CAMTA1: variants seen among roughly 807,000 people sequenced by gnomAD.
The protein encoded by CAMTA1 is calmodulin-binding transcription activator 1.
Under a neutral mutation model 170.9 loss-of-function variants are expected in CAMTA1, and 27 were observed. The ratio of observed to expected loss-of-function variants is 0.16; its 90% confidence interval spans 0.12 to 0.22. CAMTA1 has a LOEUF of 0.22. Ranked by LOEUF, CAMTA1 falls within the 10% of genes least tolerant of loss-of-function variation. CAMTA1 has a pLI of 1.00. For synonymous variants in CAMTA1, 833 were observed against 891.5 expected (o/e 0.93, Z 1.17); for missense variants, 1,619 against 2,217.2 (o/e 0.73, Z 5.42).
chr1:7,632,307 C>T (rs2095675800), intron 6 of CAMTA1, among the ~76,000 whole-genome samples: 2 of 152,232 alleles, frequency 1.3e-5, no homozygotes, highest in African/African-American at 4.8e-5. Context: ...GCCCGCCCCC[C>T]GCGCCCCCAG....
Position 7,768,820 on chromosome 1 carries a change from A to G in CAMTA1, c.*2329A>G, listed in dbSNP as rs2097039084. The stretch of plus-strand genomic sequence containing the variant: ...TATTTTACACAATTTGACCTATAGG[A>G]GGACACTGAGTAATTTACAAACACA... On this transcript the variant is annotated 3_prime_UTR_variant, in exon 23 of 23. Transcript: ENST00000303635. 2 of 152,544 alleles carry G rather than the reference A, an allele frequency of 1.3e-5. No individual in the cohort carries two copies. Among genetic ancestry groups the G allele is most frequent in the South Asian group, 4.1e-4 (2 of 4,824 alleles). 9.4% of individuals were successfully genotyped at this position (152,544 alleles called of 1,614,324 possible).
Position 7,514,754 on chromosome 1 carries a change from G to A in CAMTA1, c.510+46853G>A, listed in dbSNP as rs114471427. Among the ~76,000 whole-genome samples the A allele has an allele frequency of 9.2e-3, 1,398 of 152,270 alleles. 21 individuals are homozygous for A. Among genetic ancestry groups the A allele is most frequent in the African/African-American group, 0.032 (1,341 of 41,544 alleles). On this transcript the variant is annotated intron_variant, in intron 6 of 22. Transcript: ENST00000303635. Reference sequence around the variant, plus strand: ...GAATCCTCTTCCCACTGGGCAGCCTGGTCCTGGTGCAGACATCCACCTGGA... The same window carrying A: ...GAATCCTCTTCCCACTGGGCAGCCTAGTCCTGGTGCAGACATCCACCTGGA...
chr1:7,573,080 C>T (rs1460762203), intron 6 of CAMTA1, among the ~76,000 whole-genome samples: 2 of 152,196 alleles, frequency 1.3e-5, no homozygotes, highest in African/African-American at 4.8e-5. Context: ...AGGGTTTACT[C>T]CTGGACAAGA....
chr1:7,150,719 G>C (rs527673726), intron 4 of CAMTA1, among the ~76,000 whole-genome samples: 1 of 152,186 alleles, frequency 6.6e-6, no homozygotes, highest in Admixed American at 6.5e-5. Context: ...ATTGGGATGT[G>C]CAGAAGGACG....
intron 1 of CAMTA1, among the ~76,000 whole-genome samples, chr1:6,802,740 CT>C (rs575213311): frequency 2.0e-3 from 289 of 145,018 alleles, no homozygotes; most frequent in Non-Finnish European, 1.9e-3. Flanking sequence ...CTCTCTCTCT[CT>C]TTTTTTTTTT....
chr1:7,133,663 T>G (rs899811854), intron 4 of CAMTA1, among the ~76,000 whole-genome samples: 1 of 152,172 alleles, frequency 6.6e-6, no homozygotes, highest in Non-Finnish European at 1.5e-5. Context: ...CCTCCCATCA[T>G]AGGTAGCAGC....
chr1:7,279,402 T>C (rs1487632773), intron 5 of CAMTA1, among the ~76,000 whole-genome samples: 1 of 152,182 alleles, frequency 6.6e-6, no homozygotes, highest in South Asian at 2.1e-4. Flanking sequence ...GCTAACATTC[T>C]GGGCCTCAGG....
chr1:6,843,266 A>G (rs1656630648), intron 3 of CAMTA1, among the ~76,000 whole-genome samples: 1 of 152,080 alleles, frequency 6.6e-6, no homozygotes, highest in South Asian at 2.1e-4. Context: ...TGTTCTTTCT[A>G]CAGCTTAAGG....
intron 6 of CAMTA1, among the ~76,000 whole-genome samples, chr1:7,613,940 G>A (rs1395333733): frequency 7.0e-6 from 1 of 143,884 alleles, no homozygotes; most frequent in Non-Finnish European, 1.5e-5. Flanking sequence ...GGGGGGGCAG[G>A]TCAGACCTGG....
At chr1:7,491,180 C>T (rs2093697757) in intron 6 of CAMTA1, among the ~76,000 whole-genome samples, 1 of 152,168 alleles carries the variant, frequency 6.6e-6, no homozygotes, top group African/African-American at 2.4e-5. Context: ...GAGAGACCAC[C>T]CCCGGCCTCC....
At chr1:7,290,134 T>C (rs930363232) in intron 5 of CAMTA1, among the ~76,000 whole-genome samples, 5 of 152,154 alleles carry the variant, frequency 3.3e-5, no homozygotes, top group Non-Finnish European at 5.9e-5. Context: ...ATACTGGGAA[T>C]TGTACAATTG....
rs2094504212 is a variant in CAMTA1, at chr1:7,532,560, C to G, written c.510+64659C>G. 6.6e-6 allele frequency among the ~76,000 whole-genome samples: 1 copy of G among 152,202 alleles called. No individual in the cohort carries two copies. The highest frequency in any genetic ancestry group is 1.5e-5 in the Non-Finnish European group (1 of 68,050). On this transcript the variant is annotated intron_variant, in intron 6 of 22. Coordinates refer to ENST00000303635, the MANE Select transcript of CAMTA1 (RefSeq NM_015215.4). This position sits in a 1 kb window ranked among gnomAD's most constrained non-coding sequence, Gnocchi z 4.2. ...CAATCAATCCTCCCATTTCGGCCCCCCGAGTTCAGCTTCTTTCTTTAATCC... is the reference window on the plus strand; with the variant it reads ...CAATCAATCCTCCCATTTCGGCCCCGCGAGTTCAGCTTCTTTCTTTAATCC...
intron 3 of CAMTA1, among the ~76,000 whole-genome samples, chr1:6,963,551 A>G (rs183016206): frequency 3.3e-5 from 5 of 152,198 alleles, no homozygotes; most frequent in Admixed American, 3.3e-4. Context: ...CAGAAGTGTC[A>G]TGTAGAATGT....
At chr1:7,367,615 C>T (rs545865246) in intron 5 of CAMTA1, among the ~76,000 whole-genome samples, 6 of 152,350 alleles carry the variant, frequency 3.9e-5, no homozygotes, top group African/African-American at 1.4e-4. Context: ...GAGCTCTGGG[C>T]CCTCTGCACT....
At chr1:7,704,248 G>A (rs1450256683) in intron 11 of CAMTA1, among the ~76,000 whole-genome samples, 5 of 146,634 alleles carry the variant, frequency 3.4e-5, no homozygotes, top group South Asian at 2.1e-4. Context: ...CGGCCCCGAC[G>A]GCGCGGGGAG....
intron 5 of CAMTA1, among the ~76,000 whole-genome samples, chr1:7,437,634 A>C (rs985085043): frequency 1.8e-4 from 27 of 152,192 alleles, no homozygotes; most frequent in African/African-American, 6.3e-4. Flanking sequence ...GACAACATTC[A>C]ATCCATAACC....
intron 1 of CAMTA1, among the ~76,000 whole-genome samples, chr1:6,789,884 C>T (rs1424786833): frequency 1.5e-5 from 2 of 137,694 alleles, no homozygotes; most frequent in African/African-American, 2.8e-5. Flanking sequence ...GATCTCGGTT[C>T]GTGCAACCTC....
chr1:6,817,870 A>G (rs1646017480), intron 1 of CAMTA1, among the ~76,000 whole-genome samples: 1 of 152,192 alleles, frequency 6.6e-6, no homozygotes, highest in Admixed American at 6.5e-5. Context: ...ATAGAAAAGA[A>G]AGAATTAAGG....
At chr1:7,693,261 G>C (rs1375813652) in intron 11 of CAMTA1, 1 of 152,254 alleles carries the variant, frequency 6.6e-6, no homozygotes, top group Admixed American at 6.5e-5. Context: ...AGCTCTTACA[G>C]GGCAACTCCT....
Sources: allele counts gnomAD v4.1 joint callset (sites outside exome capture counted in the v4.1 genomes callset), GRCh38; gene constraint gnomAD v4.1.1; non-coding constraint Gnocchi (gnomAD v3.1); transcripts MANE v1.5; gene names NCBI Gene and HGNC (gene_info 2026-07-23, HGNC 2026-07-21).